ACSM5: variants seen among roughly 807,000 people sequenced by gnomAD.
ACSM5 encodes the protein acyl-coenzyme A synthetase ACSM5, mitochondrial.
Under a neutral mutation model 71.6 loss-of-function variants are expected in ACSM5, and 56 were observed. The ratio of observed to expected loss-of-function variants is 0.78; its 90% confidence interval spans 0.63 to 0.98. The LOEUF (loss-of-function observed/expected upper bound fraction) is 0.98, where lower values mean the gene tolerates loss of function less well. Among genes scored for constraint, ACSM5 ranks in the 50% least tolerant of loss-of-function variants. The pLI is 0.00. For missense variants in ACSM5, 723 were observed against 726.0 expected (o/e 1.00, Z 0.05); for synonymous variants, 285 against 281.5 (o/e 1.01, Z -0.12).
Position 20,418,045 on chromosome 16 carries a change from G to C in ACSM5, c.205-14G>C. 4 of 1,602,912 alleles carry C rather than the reference G, an allele frequency of 2.5e-6. No individual in the cohort carries two copies. Among genetic ancestry groups the C allele is most frequent in the Non-Finnish European group, 3.4e-6 (4 of 1,176,100 alleles). On this transcript the variant is annotated splice_polypyrimidine_tract_variant and intron_variant, in intron 2 of 13. Coordinates refer to ENST00000331849, the MANE Select transcript of ACSM5 (RefSeq NM_017888.3). ...AAATTGCTTCTTTTTTTTTCTGCCT[G>C]TACCACCATCTAGGCTGGACACCGC...
chr16:20,411,731 G>C (rs1966848213), intron 2 of ACSM5, 43 bp downstream of exon 2: 3 of 1,600,040 alleles, frequency 1.9e-6, no homozygotes, highest in Non-Finnish European at 2.6e-6. Flanking sequence ...GGCATCTGAG[G>C]CTGCCCTCAT....
At chr16:20,427,646 C>G (rs1967009813) in intron 6 of ACSM5, 142 bp from the exon 7 acceptor site, 2 of 699,304 alleles carry the variant, frequency 2.9e-6, no homozygotes, top group East Asian at 5.0e-5. Flanking sequence ...AGTCACTGGA[C>G]ACCATCTTGG....
At chr16:20,435,247 G>T (rs1274525679) in intron 10 of ACSM5, among the ~76,000 whole-genome samples, 1 of 152,164 alleles carries the variant, frequency 6.6e-6, no homozygotes, top group African/African-American at 2.4e-5. Context: ...TGGCCAGGCT[G>T]GTCTTGAACT....
At position 20,429,814 on chromosome 16, in the gene ACSM5, G is replaced by A. The variant is rs373246241; in HGVS notation, c.1125+13G>A. ...CCAGTCTGAAACGGTGAGTGCTGGA[G>A]GGGCCAGGTCCCTACCCCCCAGGTC... On this transcript the variant is annotated intron_variant, in intron 8 of 13. Coordinates refer to ENST00000331849, the MANE Select transcript of ACSM5 (RefSeq NM_017888.3). 152 of 1,611,640 alleles carry A rather than the reference G, an allele frequency of 9.4e-5. 1 individual carries two copies. The highest frequency in any genetic ancestry group is 9.4e-4 in the Middle Eastern group (5 of 5,304).
At chr16:20,428,769 G>A (rs1209999164) in intron 7 of ACSM5, among the ~76,000 whole-genome samples, 3 of 152,042 alleles carry the variant, frequency 2.0e-5, no homozygotes, top group Non-Finnish European at 4.4e-5. Flanking sequence ...GAACAATGTC[G>A]TTGAATGCTC....
chr16:20,411,772 T>A, intron 2 of ACSM5, 84 bp downstream of exon 2: 1 of 1,422,116 alleles, frequency 7.0e-7, no homozygotes, highest in African/African-American at 1.4e-5. Flanking sequence ...GCTCCAAGCA[T>A]GTTGATGAGG....
At chr16:20,427,944 C>G (rs1432449092) in intron 7 of ACSM5, 77 bp downstream of exon 7, 2 of 1,022,068 alleles carry the variant, frequency 2.0e-6, no homozygotes. Flanking sequence ...ACACAACTAC[C>G]CTCTCATTCC....
chr16:20,429,755 A>G lies in ACSM5; in HGVS notation c.1079A>G (p.His360Arg), dbSNP rs12931877. ...CCTGACGTGAGGGAGAAGTGGAAAC[A>G]CCAGACTGGTGTGGAGCTGTACGAA... ...LNPDVREKWK[H>R]QTGVELYEGY... The change falls in exon 8 of 14, where the codon CAC (histidine) becomes CGC (arginine). Residue 360 changes from histidine to arginine, a missense_variant. Physicochemically the swap from His to Arg is conservative, Grantham distance 29. Transcript: ENST00000331849. 85,200 of 1,530,218 alleles carry G rather than the reference A, an allele frequency of 0.056. 5,737 individuals carry two copies. The highest frequency in any genetic ancestry group is 0.2 in the East Asian group (8,667 of 42,792). 94.8% of individuals were successfully genotyped at this position (1,530,218 alleles called of 1,614,324 possible).
intron 12 of ACSM5, among the ~76,000 whole-genome samples, chr16:20,439,221 C>T (rs951541111): frequency 7.5e-4 from 103 of 137,038 alleles, no homozygotes; most frequent in African/African-American, 2.7e-3. Context: ...GGGACACTTC[C>T]TCCTGCCTGG....
intron 1 of ACSM5, among the ~76,000 whole-genome samples, chr16:20,410,770 A>C (rs1966846184): frequency 6.6e-6 from 1 of 151,988 alleles, no homozygotes; most frequent in Non-Finnish European, 1.5e-5. Context: ...AAATTAAATA[A>C]AAAAATTAAA....
chr16:20,433,703 C>A (rs1266347347), intron 10 of ACSM5, among the ~76,000 whole-genome samples: 1 of 152,054 alleles, frequency 6.6e-6, no homozygotes, highest in Non-Finnish European at 1.5e-5. Flanking sequence ...GAAGCAGGGT[C>A]TCCTTCTGCC....
chr16:20,418,375 G>C, intron 3 of ACSM5, 106 bp downstream of exon 3: 1 of 1,163,242 alleles, frequency 8.6e-7, no homozygotes, highest in Non-Finnish European at 1.2e-6. Flanking sequence ...ACTGTATGTG[G>C]AGTTGTGTTT....
Position 20,440,576 on chromosome 16 carries a change from G to A in ACSM5, c.*149G>A, listed in dbSNP as rs1567350314. The A allele has an allele frequency of 4.4e-6, 3 of 686,832 alleles. No homozygotes were observed. 42.5% of individuals were successfully genotyped at this position (686,832 alleles called of 1,614,324 possible). ...CAAACGGCATCCCCAGGATCACTGGGCAATGCTGGAAAGAGCAAAAGAATA... is the reference window on the plus strand; with the variant it reads ...CAAACGGCATCCCCAGGATCACTGGACAATGCTGGAAAGAGCAAAAGAATA... On this transcript the variant is annotated 3_prime_UTR_variant, in exon 14 of 14. Coordinates refer to ENST00000331849, the MANE Select transcript of ACSM5 (RefSeq NM_017888.3).
chr16:20,430,200 TAC>T (rs199835504), intron 8 of ACSM5, among the ~76,000 whole-genome samples: 21,763 of 144,378 alleles, frequency 0.15, 1,893 homozygotes, highest in African/African-American at 0.25. Flanking sequence ...GCTATTGAAA[TAC>T]ACACACACAC....
At chr16:20,410,398 C>A (rs1007877143) in intron 1 of ACSM5, among the ~76,000 whole-genome samples, 11 of 152,126 alleles carry the variant, frequency 7.2e-5, no homozygotes, top group African/African-American at 2.4e-4. Context: ...AGGGTGGGGT[C>A]CCATCTGCTG....
At chr16:20,422,693 A>C (rs2141648891) in intron 5 of ACSM5, among the ~76,000 whole-genome samples, 1 of 152,296 alleles carries the variant, frequency 6.6e-6, no homozygotes, top group South Asian at 2.1e-4. Context: ...TGACAATGTA[A>C]CTGTAGGGGA....
chr16:20,419,335 AG>A lies in ACSM5; in HGVS notation c.526del (p.Val176TrpfsTer26). ...SIITSDSLAPRVDAISAECPS... is the reference protein window; with the variant it reads ...SIITSDSLAPXVDAISAECPS... ...TATCACCAGTGACTCCCTAGCTCCA[AG>A]GGTGGATGCCATCAGTGCCGAATGC... is the stretch of plus-strand genomic sequence containing the variant. On this transcript the variant is annotated frameshift_variant, in exon 4 of 14. Coordinates refer to ENST00000331849, the MANE Select transcript of ACSM5 (RefSeq NM_017888.3). LOFTEE classifies it high-confidence loss of function. The A allele has an allele frequency of 6.2e-7, 1 of 1,614,174 alleles. No homozygotes were observed. Among genetic ancestry groups the A allele is most frequent in the Admixed American group, 1.7e-5 (1 of 60,022 alleles).
chr16:20,428,852 A>AATCACT (rs1967040269), intron 7 of ACSM5, among the ~76,000 whole-genome samples: 1 of 152,092 alleles, frequency 6.6e-6, no homozygotes, highest in Admixed American at 6.5e-5. Flanking sequence ...ATGTACTTGC[A>AATCACT]GTCACTGTTC....
intron 9 of ACSM5, 60 bp downstream of exon 9, chr16:20,431,133 C>A: frequency 2.5e-6 from 4 of 1,600,038 alleles, no homozygotes; most frequent in Non-Finnish European, 3.4e-6. Context: ...GACACACAGG[C>A]CTGGTTGGCA....
Sources: allele counts gnomAD v4.1 joint callset (sites outside exome capture counted in the v4.1 genomes callset), GRCh38; gene constraint gnomAD v4.1.1; transcripts MANE v1.5; gene names NCBI Gene and HGNC (gene_info 2026-07-23, HGNC 2026-07-21).